The following ROR2 variants were observed in gnomAD, a reference collection of about 807,000 sequenced individuals.
ROR2 encodes the protein tyrosine-protein kinase transmembrane receptor ROR2.
Under a neutral mutation model 74.9 loss-of-function variants are expected in ROR2, and 33 were observed. The ratio of observed to expected loss-of-function variants is 0.44; its 90% CI spans 0.33 to 0.59. The LOEUF is 0.59. Ranked by LOEUF, ROR2 falls within the 20% of genes least tolerant of loss-of-function variation. The probability of loss-of-function intolerance (pLI) is 0.02; values close to 1 mark genes in which losing one functional copy is unlikely to be tolerated. For missense variants in ROR2, 1,216 were observed against 1,313.8 expected, an observed-to-expected ratio of 0.93 and a Z score of 1.15; for synonymous variants, 586 against 558.7, an observed-to-expected ratio of 1.05 and a Z score of -0.69.
chr9:91,866,876 A>G (rs1049718976), intron 1 of ROR2, among the ~76,000 whole-genome samples: 3 of 152,176 alleles, frequency 2.0e-5, no homozygotes, highest in East Asian at 1.9e-4. Context: ...TAATAACCCA[A>G]TTTTGGGGAG....
intron 7 of ROR2, among the ~76,000 whole-genome samples, chr9:91,730,100 G>A (rs1004023642): frequency 6.6e-6 from 1 of 152,064 alleles, no homozygotes; most frequent in Non-Finnish European, 1.5e-5. Context: ...GTGCCACCAC[G>A]CCTGGACAAT....
chr9:91,800,798 G>C (rs1827349257), intron 1 of ROR2, among the ~76,000 whole-genome samples: 1 of 152,194 alleles, frequency 6.6e-6, no homozygotes, highest in Non-Finnish European at 1.5e-5. Context: ...CTTCCAAAGA[G>C]ACTCGTTATT....
chr9:91,801,437 A>G (rs1400485113), intron 1 of ROR2, among the ~76,000 whole-genome samples: 1 of 152,102 alleles, frequency 6.6e-6, no homozygotes, highest in Non-Finnish European at 1.5e-5. Flanking sequence ...GGTTCAAGCA[A>G]TTCTCCTGCC....
At position 91,806,869 on chromosome 9, in the gene ROR2, A is replaced by C. The variant is rs112661181; in HGVS notation, c.98-31051T>G. 5.3e-5 allele frequency among the ~76,000 whole-genome samples: 8 copies of C among 152,300 alleles called. No individual in the cohort carries two copies. In the East Asian group the frequency reaches 1.5e-3, roughly 29 times the overall value. On this transcript the variant is annotated intron_variant, in intron 1 of 8. Transcript: ENST00000375708. ...CACCCAAAGTGCTGGGATTACAGGC[A>C]TAAGCCATCGCGCCTGGCCGATCAT...
chr9:91,819,525 CTT>C (rs1828066142), intron 1 of ROR2, among the ~76,000 whole-genome samples: 1 of 150,936 alleles, frequency 6.6e-6, no homozygotes, highest in Non-Finnish European at 1.5e-5. Flanking sequence ...CTGTGTCTGT[CTT>C]TGTGTGTCTG....
chr9:91,801,834 A>G (rs1827389286), intron 1 of ROR2, among the ~76,000 whole-genome samples: 1 of 152,244 alleles, frequency 6.6e-6, no homozygotes, highest in Non-Finnish European at 1.5e-5. Flanking sequence ...TATGCTGAAC[A>G]TGAACGGGCG....
rs1298715739 is a variant in ROR2, at chr9:91,724,408, A to G, written c.2086T>C (p.Tyr696His). ...ATCTCCACCACATCCTGGTTGGAGT[A>G]CCCGCAGTAGGGCTGCAGGCCGTAG... ...FSYGLQPYCG[Y>H]SNQDVVEMIR... The change falls in exon 9 of 9, where the codon TAC (tyrosine) becomes CAC (histidine). Residue 696 changes from tyrosine (Y) to histidine (H), a missense_variant. Coordinates refer to ENST00000375708, the MANE Select transcript of ROR2 (RefSeq NM_004560.4). 4.3e-6 allele frequency: 7 copies of G among 1,614,076 alleles called. No homozygotes were observed. In the South Asian group the frequency reaches 6.6e-5, roughly 15 times the overall value.
intron 1 of ROR2, among the ~76,000 whole-genome samples, chr9:91,827,767 T>A (rs1441927430): frequency 1.3e-5 from 2 of 152,246 alleles, no homozygotes; most frequent in South Asian, 4.1e-4. Context: ...ACGTGTTCCA[T>A]CGGTAGGCTT....
intron 4 of ROR2, among the ~76,000 whole-genome samples, chr9:91,755,210 A>G (rs1433908566): frequency 6.6e-6 from 1 of 152,180 alleles, no homozygotes; most frequent in East Asian, 1.9e-4. Context: ...CTGCTGAGAC[A>G]GGTCGCTGCC....
At chr9:91,814,504 C>T (rs1335688351) in intron 1 of ROR2, among the ~76,000 whole-genome samples, 1 of 152,176 alleles carries the variant, frequency 6.6e-6, no homozygotes, top group Non-Finnish European at 1.5e-5. Flanking sequence ...TGACTGCCAG[C>T]CGCTGACAAG....
At chr9:91,844,736 A>C (rs1464080714) in intron 1 of ROR2, among the ~76,000 whole-genome samples, 1 of 152,120 alleles carries the variant, frequency 6.6e-6, no homozygotes, top group Non-Finnish European at 1.5e-5. Flanking sequence ...CACTGTTAGG[A>C]AGGTTGAAAA....
At chr9:91,756,990 A>T (rs1219293948) in intron 3 of ROR2, among the ~76,000 whole-genome samples, 1 of 151,814 alleles carries the variant, frequency 6.6e-6, no homozygotes, top group African/African-American at 2.4e-5. Context: ...GGCTGATCTC[A>T]AACTCCTGAC....
intron 1 of ROR2, among the ~76,000 whole-genome samples, chr9:91,811,055 C>T (rs1269971622): frequency 6.6e-6 from 1 of 152,250 alleles, no homozygotes; most frequent in African/African-American, 2.4e-5. Context: ...TTCCCCCTCT[C>T]TTCGGCCTGA....
intron 4 of ROR2, chr9:91,755,829 G>T: frequency 1.7e-6 from 1 of 601,582 alleles, no homozygotes; most frequent in Non-Finnish European, 3.0e-6. Flanking sequence ...CCCTGTGTAA[G>T]GTCACAATCA....
intron 4 of ROR2, among the ~76,000 whole-genome samples, chr9:91,745,138 T>G (rs1470181666): frequency 6.6e-6 from 1 of 151,400 alleles, no homozygotes; most frequent in African/African-American, 2.4e-5. Context: ...TATATATATA[T>G]TTTTGAGACG....
At chr9:91,801,477 C>T (rs1196755165) in intron 1 of ROR2, among the ~76,000 whole-genome samples, 2 of 152,192 alleles carry the variant, frequency 1.3e-5, no homozygotes, top group Non-Finnish European at 2.9e-5. Context: ...GGACTACAGG[C>T]GCCCGCCACC....
At chr9:91,913,605 T>C (rs961521308) in intron 1 of ROR2, among the ~76,000 whole-genome samples, 9 of 152,162 alleles carry the variant, frequency 5.9e-5, no homozygotes, top group Non-Finnish European at 1.0e-4. Context: ...CAGGTACCCA[T>C]AGTTGGCATG....
chr9:91,815,704 C>T (rs77908071), intron 1 of ROR2, among the ~76,000 whole-genome samples: 4,303 of 152,320 alleles, frequency 0.028, 90 homozygotes, highest in Non-Finnish European at 0.044. Flanking sequence ...TGGATAAATT[C>T]CCTGCAAAGG....
At chr9:91,793,405 T>C (rs1827066128) in intron 1 of ROR2, among the ~76,000 whole-genome samples, 1 of 152,134 alleles carries the variant, frequency 6.6e-6, no homozygotes, top group Non-Finnish European at 1.5e-5. Context: ...CCTATCTCCT[T>C]CTTCATAAAA....
Sources: gnomAD v4.1 joint callset for allele counts (sites outside exome capture counted in the v4.1 genomes callset) on GRCh38, gnomAD v4.1.1 for gene constraint, MANE v1.5 for transcripts, NCBI Gene and HGNC (gene_info 2026-07-23, HGNC 2026-07-21) for gene names.